The following SNCAIP variants were observed in gnomAD, a reference collection of about 807,000 sequenced individuals.
SNCAIP encodes the protein synphilin-1.
In SNCAIP, 43 loss-of-function variants were observed where a neutral mutation model predicts 86.7. That is an observed-to-expected ratio of 0.50 (90% CI 0.39 to 0.64). SNCAIP has a LOEUF of 0.64. Ranked by LOEUF, SNCAIP falls within the 30% of genes least tolerant of loss-of-function variation. The pLI is 0.00. For synonymous variants in SNCAIP, 417 were observed against 427.2 expected, an observed-to-expected ratio of 0.98 and a Z score of 0.29; for missense variants, 981 against 1,103.1, an observed-to-expected ratio of 0.89 and a Z score of 1.57.
At chr5:122,399,164 A>T (rs1580994855) in intron 2 of SNCAIP, among the ~76,000 whole-genome samples, 1 of 152,272 alleles carries the variant, frequency 6.6e-6, no homozygotes. Context: ...TGCTGAGCTT[A>T]AAGTCATGGC....
At chr5:122,454,419 T>G (rs1166543438) in intron 10 of SNCAIP, 1 of 152,708 alleles carries the variant, frequency 6.5e-6, no homozygotes, top group Non-Finnish European at 1.5e-5. Flanking sequence ...TCTGCTTGGG[T>G]CAGGCTCACA....
intron 1 of SNCAIP, among the ~76,000 whole-genome samples, chr5:122,328,915 T>TTTCCTG (rs1554077714): frequency 4.6e-5 from 7 of 152,236 alleles, no homozygotes; most frequent in Admixed American, 4.6e-4. Flanking sequence ...TTCTGGGTAT[T>TTTCCTG]TTCCTGTTCC....
chr5:122,370,426 T>C (rs1205705107), intron 1 of SNCAIP, among the ~76,000 whole-genome samples: 2 of 152,122 alleles, frequency 1.3e-5, no homozygotes, highest in Admixed American at 6.6e-5. Flanking sequence ...ACATGTATTG[T>C]ACTTTAGTGT....
At position 122,401,132 on chromosome 5, in the gene SNCAIP, T is replaced by C. The variant is rs1323005325; in HGVS notation, c.58-2661T>C. The C allele has an allele frequency of 1.9e-6, 3 of 1,548,696 alleles. No homozygotes were observed. The African/African-American group carries it at 4.1e-5, about 21-fold the overall frequency. On this transcript the variant is annotated intron_variant, in intron 2 of 10. Coordinates refer to ENST00000261368, the MANE Select transcript of SNCAIP (RefSeq NM_005460.4). The stretch of plus-strand genomic sequence containing the variant: ...GCCATTGTCCTGAGAATGAGGTATG[T>C]TGGCGAACTGACAGTTACTTATAAA...
intron 8 of SNCAIP, 25 bp from the exon 9 acceptor site, chr5:122,449,820 C>T: frequency 6.6e-7 from 1 of 1,513,854 alleles, no homozygotes; most frequent in Non-Finnish European, 9.2e-7. Flanking sequence ...TCAGAGTCCT[C>T]ATGTGTTTTG....
Position 122,432,002 on chromosome 5 carries a change from A to G in SNCAIP, c.1216A>G (p.Ser406Gly). 3 of 1,604,228 alleles carry G rather than the reference A, an allele frequency of 1.9e-6. No individual in the cohort carries two copies. The highest frequency in any genetic ancestry group is 2.6e-6 in the Non-Finnish European group (3 of 1,171,234). ...GTTGGAGTGCGTACGCTGGATGGTG[A>G]GCGAAACAGAAGCCATTGCAGAACT... ...GQLECVRWMV[S>G]ETEAIAELSC... Residue 406 changes from serine to glycine, a missense_variant, in exon 6 of 11, where the codon AGC becomes GGC. Physicochemically the swap from Ser to Gly is moderately conservative, Grantham distance 56. Coordinates refer to ENST00000261368, the MANE Select transcript of SNCAIP (RefSeq NM_005460.4).
intron 1 of SNCAIP, among the ~76,000 whole-genome samples, chr5:122,380,948 G>A (rs1766614212): frequency 6.7e-6 from 1 of 148,168 alleles, no homozygotes; most frequent in Non-Finnish European, 1.5e-5. Context: ...GCTGAGGAGA[G>A]CTTTACTTCC....
chr5:122,352,300 C>T (rs1760029800), intron 1 of SNCAIP, among the ~76,000 whole-genome samples: 1 of 152,094 alleles, frequency 6.6e-6, no homozygotes, highest in African/African-American at 2.4e-5. Flanking sequence ...TTTATTAAGC[C>T]TTCTTTTTAG....
At chr5:122,359,266 AAAT>A (rs1761720531) in intron 1 of SNCAIP, among the ~76,000 whole-genome samples, 2 of 151,962 alleles carry the variant, frequency 1.3e-5, no homozygotes, top group South Asian at 4.1e-4. Context: ...AAAACAATGA[AAAT>A]AATGTCATAG....
chr5:122,379,814 T>G (rs1766267576), intron 1 of SNCAIP, among the ~76,000 whole-genome samples: 1 of 148,538 alleles, frequency 6.7e-6, no homozygotes, highest in Non-Finnish European at 1.5e-5. Flanking sequence ...GTTTTTGTCT[T>G]TGGCTCTGTT....
chr5:122,340,451 A>G (rs1281123306), intron 1 of SNCAIP, among the ~76,000 whole-genome samples: 1 of 152,072 alleles, frequency 6.6e-6, no homozygotes, highest in Non-Finnish European at 1.5e-5. Flanking sequence ...AGTAGAAGAG[A>G]GTGAAAAAAT....
chr5:122,462,185 G>A (rs1786521313), intron 10 of SNCAIP, among the ~76,000 whole-genome samples: 2 of 152,102 alleles, frequency 1.3e-5, no homozygotes, highest in Non-Finnish European at 2.9e-5. Flanking sequence ...AGTACACGGT[G>A]CTTCTAATTC....
chr5:122,404,850 G>A (rs1184327433), intron 3 of SNCAIP, among the ~76,000 whole-genome samples: 2 of 152,126 alleles, frequency 1.3e-5, no homozygotes, highest in African/African-American at 4.8e-5. Context: ...AGGAGAGACA[G>A]GAAAAATAAT....
chr5:122,382,993 T>C (rs938119482), intron 1 of SNCAIP, among the ~76,000 whole-genome samples: 4 of 152,202 alleles, frequency 2.6e-5, no homozygotes, highest in African/African-American at 9.6e-5. Context: ...TGCTGTCTTT[T>C]TGTCTGTCTG....
rs56285021 is a variant in SNCAIP, at chr5:122,422,868, T to G, written c.131T>G (p.Val44Gly). Reference protein sequence around the residue: ...RCDTQNEDRSVSSSSWNCGIS... With the variant: ...RCDTQNEDRSGSSSSWNCGIS... Reference sequence around the variant, plus strand: ...TTCTATTTTAATTTTTTAAAAACAGTTTCTAGCTCTAGCTGGAATTGTGGC... The same window carrying G: ...TTCTATTTTAATTTTTTAAAAACAGGTTCTAGCTCTAGCTGGAATTGTGGC... Residue 44 changes from valine (V) to glycine (G), a missense_variant and splice_region_variant, in exon 4 of 11, where the codon GTT becomes GGT. Coordinates refer to ENST00000261368, the MANE Select transcript of SNCAIP (RefSeq NM_005460.4). The G allele has an allele frequency of 1.9e-6, 3 of 1,613,218 alleles. No individual in the cohort carries two copies. In the African/African-American group the frequency reaches 4.0e-5, roughly 22 times the overall value.
chr5:122,436,001 T>C (rs1779373538), intron 6 of SNCAIP, among the ~76,000 whole-genome samples: 5 of 152,048 alleles, frequency 3.3e-5, no homozygotes, highest in Admixed American at 3.3e-4. Context: ...CAGTTAACTG[T>C]GATTTCTTTG....
At chr5:122,427,167 A>AT (rs947791782) in intron 5 of SNCAIP, among the ~76,000 whole-genome samples, 3 of 152,052 alleles carry the variant, frequency 2.0e-5, no homozygotes, top group East Asian at 1.9e-4. Context: ...GAAGAAAATA[A>AT]TTTTTTTTAA....
intron 7 of SNCAIP, 134 bp downstream of exon 7, chr5:122,440,888 G>T: frequency 1.2e-6 from 1 of 841,618 alleles, no homozygotes. Context: ...AGGAATTATT[G>T]CTCTATTTGT....
intron 3 of SNCAIP, among the ~76,000 whole-genome samples, chr5:122,414,229 A>C (rs1026854204): frequency 4.8e-5 from 7 of 145,922 alleles, no homozygotes; most frequent in Non-Finnish European, 9.0e-5. Flanking sequence ...ATTAAAAATT[A>C]TTTTTCCTTT....
Sources: gnomAD v4.1 joint callset for allele counts (sites outside exome capture counted in the v4.1 genomes callset) on GRCh38, gnomAD v4.1.1 for gene constraint, MANE v1.5 for transcripts, NCBI Gene and HGNC (gene_info 2026-07-23, HGNC 2026-07-21) for gene names.